The following TENM4 variants were observed in gnomAD, a reference collection of about 807,000 sequenced individuals.
TENM4 encodes teneurin transmembrane protein 4, also known as teneurin-4.
Under a neutral mutation model 243.3 loss-of-function variants are expected in TENM4, and 82 were observed. That is an observed-to-expected ratio of 0.34 (90% confidence interval 0.28 to 0.40). TENM4 has a LOEUF of 0.40. Among genes scored for constraint, TENM4 ranks in the 10% least tolerant of loss-of-function variants. The pLI, the probability that TENM4 is intolerant of heterozygous loss-of-function variation, is 1.00. For missense variants in TENM4, 3,138 were observed against 3,673.3 expected (o/e 0.85, Z 3.77); for synonymous variants, 1,412 against 1,456.3 (o/e 0.97, Z 0.69).
rs1439875400 is a variant in TENM4 at position 78,722,717 on chromosome 11, T to G, written c.3751A>C (p.Ile1251Leu). The change falls in exon 24 of 34, where the codon ATT (isoleucine) becomes CTT (leucine). Residue 1251 changes from isoleucine (I) to leucine (L), a missense_variant. Ile to Leu is a conservative substitution (Grantham distance 5, BLOSUM62 2). This residue lies in a region of TENM4 where 2,467 missense variants were observed against 3,059.1 expected (regional missense o/e 0.81). Transcript: ENST00000278550. ...GSLYVGDFNY[I>L]RRIFPSGNVT... Reference sequence around the variant, plus strand: ...TTTCCAGAGGGGAAGATCCTTCTAATGTAGTTGAAATCACCCACATAGAGG... The same window carrying G: ...TTTCCAGAGGGGAAGATCCTTCTAAGGTAGTTGAAATCACCCACATAGAGG... 1.2e-6 allele frequency: 2 copies of G among 1,614,056 alleles called. No homozygotes were observed. Among genetic ancestry groups the G allele is most frequent in the Non-Finnish European group, 1.7e-6 (2 of 1,179,894 alleles).
At chr11:78,770,962 G>T (rs201739137) in intron 18 of TENM4, 30 bp downstream of exon 18, 7 of 1,564,978 alleles carry the variant, frequency 4.5e-6, no homozygotes, top group Middle Eastern at 1.7e-4. Context: ...CTCTGGAGCC[G>T]CCTGGAGCCC....
chr11:79,224,941 G>A (rs1864233924), intron 2 of TENM4, among the ~76,000 whole-genome samples: 1 of 151,170 alleles, frequency 6.6e-6, no homozygotes, highest in Non-Finnish European at 1.5e-5. Flanking sequence ...ACAAGAGCCA[G>A]ACTCTGTCTA....
At chr11:79,148,254 A>T (rs1862430664) in intron 4 of TENM4, among the ~76,000 whole-genome samples, 1 of 152,134 alleles carries the variant, frequency 6.6e-6, no homozygotes, top group African/African-American at 2.4e-5. Context: ...GTTTACATTC[A>T]CCTATTTTAG....
At chr11:79,114,993 C>G (rs964447916) in intron 4 of TENM4, among the ~76,000 whole-genome samples, 9 of 152,100 alleles carry the variant, frequency 5.9e-5, no homozygotes, top group Non-Finnish European at 1.3e-4. Flanking sequence ...TAAAGCAGAT[C>G]AAGTCTGTCC....
chr11:79,022,076 A>C (rs1228438070), intron 6 of TENM4, among the ~76,000 whole-genome samples: 1 of 152,226 alleles, frequency 6.6e-6, no homozygotes, highest in African/African-American at 2.4e-5. Context: ...GGATGGCTTA[A>C]GTCCTAACAT....
intron 1 of TENM4, among the ~76,000 whole-genome samples, chr11:79,420,810 G>C (rs546535804): frequency 1.4e-4 from 21 of 152,280 alleles, no homozygotes; most frequent in African/African-American, 3.6e-4. Context: ...CTGGAGCTGG[G>C]ATGGGACAGA....
At chr11:79,379,814 T>C (rs534759853) in intron 1 of TENM4, among the ~76,000 whole-genome samples, 175 of 151,464 alleles carry the variant, frequency 1.2e-3, no homozygotes, top group African/African-American at 4.2e-3. Flanking sequence ...GGGCTGAGGG[T>C]GGTGAGGGAG....
At chr11:79,203,997 T>C (rs1863797954) in intron 3 of TENM4, among the ~76,000 whole-genome samples, 2 of 152,224 alleles carry the variant, frequency 1.3e-5, no homozygotes, top group African/African-American at 4.8e-5. Context: ...TATGATTTCA[T>C]TTATACAATA....
At chr11:79,369,608 GC>G (rs1857743824) in intron 1 of TENM4, among the ~76,000 whole-genome samples, 1 of 152,120 alleles carries the variant, frequency 6.6e-6, no homozygotes, top group African/African-American at 2.4e-5. Context: ...GCCTTCACAG[GC>G]TAAGAGAGAG....
intron 1 of TENM4, among the ~76,000 whole-genome samples, chr11:79,389,874 A>G (rs771818326): frequency 5.3e-5 from 8 of 152,188 alleles, no homozygotes; most frequent in Non-Finnish European, 7.3e-5. Context: ...CACATAGTAG[A>G]CTCAATTTCA....
chr11:79,061,388 C>T (rs541040239), intron 6 of TENM4, among the ~76,000 whole-genome samples: 1 of 152,292 alleles, frequency 6.6e-6, no homozygotes, highest in African/African-American at 2.4e-5. Context: ...ATCTGCCTAC[C>T]TCCTCTGCCC....
intron 12 of TENM4, among the ~76,000 whole-genome samples, chr11:78,844,599 G>A (rs1374504072): frequency 1.3e-5 from 2 of 151,438 alleles, no homozygotes; most frequent in Non-Finnish European, 2.9e-5. Flanking sequence ...CCAAGATTGC[G>A]CCAATGCACT....
rs530586239 is a variant in TENM4, at chr11:78,704,158, T to C, written c.4210-1755A>G. On this transcript the variant is annotated intron_variant, in intron 27 of 33. Transcript: ENST00000278550. The stretch of plus-strand genomic sequence containing the variant: ...GTATGTCTATGTGTATGTATGTGTG[T>C]CTATATATATATATATATATATATA... Among the ~76,000 whole-genome samples the C allele has an allele frequency of 7.4e-3, 590 of 79,374 alleles. 8 individuals carry two copies. The highest frequency in any genetic ancestry group is 0.033 in the African/African-American group (544 of 16,590). 52.1% of individuals were successfully genotyped at this position (79,374 alleles called of 152,430 possible). A position where few individuals can be genotyped will look rare whatever the true frequency, so the allele number is the denominator to read the frequency against.
intron 1 of TENM4, among the ~76,000 whole-genome samples, chr11:79,345,606 C>T (rs1354491495): frequency 6.6e-6 from 1 of 152,186 alleles, no homozygotes; most frequent in Non-Finnish European, 1.5e-5. Context: ...GGGGCAAAGA[C>T]TAGGGTTCAT....
chr11:78,784,052 A>T (rs1361326117), intron 16 of TENM4, among the ~76,000 whole-genome samples: 2 of 152,184 alleles, frequency 1.3e-5, no homozygotes. Context: ...GAGGTCTCGA[A>T]ATCAGTGTCA....
At chr11:79,152,743 C>G (rs1185303266) in intron 3 of TENM4, among the ~76,000 whole-genome samples, 5 of 152,192 alleles carry the variant, frequency 3.3e-5, no homozygotes, top group African/African-American at 1.2e-4. Flanking sequence ...AGAGAAGGAA[C>G]TGCAATTCTG....
intron 2 of TENM4, among the ~76,000 whole-genome samples, chr11:79,285,973 A>G (rs1223386924): frequency 1.3e-5 from 2 of 152,092 alleles, no homozygotes; most frequent in African/African-American, 4.8e-5. Context: ...TGGTTGCACA[A>G]CTCTGTGAAT....
intron 1 of TENM4, among the ~76,000 whole-genome samples, chr11:79,315,032 G>A (rs945726361): frequency 1.3e-5 from 2 of 152,242 alleles, no homozygotes; most frequent in Non-Finnish European, 2.9e-5. Context: ...GTTATGCACA[G>A]AGGGTGGTAG....
At chr11:78,697,729 A>G (rs1859002447) in intron 28 of TENM4, among the ~76,000 whole-genome samples, 1 of 152,162 alleles carries the variant, frequency 6.6e-6, no homozygotes, top group Non-Finnish European at 1.5e-5. Context: ...AGGTGAGCAT[A>G]ATTATAATAG....
Sources: gnomAD v4.1 joint callset for allele counts (sites outside exome capture counted in the v4.1 genomes callset) on GRCh38, gnomAD v4.1.1 for gene constraint, gnomAD v4.1.1 regional missense constraint, MANE v1.5 for transcripts, NCBI Gene and HGNC (gene_info 2026-07-23, HGNC 2026-07-21) for gene names.